ASCC1: variants seen among roughly 807,000 people sequenced by gnomAD.
The protein encoded by ASCC1 is activating signal cointegrator 1 complex subunit 1, also known as ASC-1 complex subunit P50.
ASCC1 carries 35 observed loss-of-function variants against 46.6 expected under a neutral mutation model. The ratio of observed to expected loss-of-function variants is 0.75; its 90% CI spans 0.57 to 0.99. The LOEUF (loss-of-function observed/expected upper bound fraction) is 0.99. ASCC1 is among the 50% of genes least tolerant of loss of function. ASCC1 has a pLI of 0.00. For missense variants in ASCC1, 376 were observed against 428.7 expected, an observed-to-expected ratio of 0.88 and a Z score of 1.09; for synonymous variants, 143 against 146.6, an observed-to-expected ratio of 0.98 and a Z score of 0.18.
At chr10:72,183,734 G>C (rs1468778794) in intron 5 of ASCC1, among the ~76,000 whole-genome samples, 2 of 152,184 alleles carry the variant, frequency 1.3e-5, no homozygotes, top group East Asian at 3.9e-4. Flanking sequence ...AGTCCTAGAA[G>C]AATAAACTAC....
intron 1 of ASCC1, among the ~76,000 whole-genome samples, chr10:72,214,929 G>A (rs752204792): frequency 5.3e-5 from 8 of 152,322 alleles, no homozygotes; most frequent in Middle Eastern, 3.4e-3. Flanking sequence ...CGCTCACTGC[G>A]AAGCCAAGCT....
intron 9 of ASCC1, among the ~76,000 whole-genome samples, chr10:72,109,901 G>A (rs139334060): frequency 4.6e-3 from 705 of 152,324 alleles, no homozygotes; most frequent in South Asian, 7.7e-3. Flanking sequence ...GGCACACTCC[G>A]CCCGTTTCCA....
rs770137554 is a variant in ASCC1 at position 72,204,481 on chromosome 10, G to A, written c.213-957C>T. The A allele has an allele frequency of 2.1e-5, 32 of 1,550,250 alleles. No homozygotes were observed. The South Asian group carries it at 3.0e-4, about 14-fold the overall frequency. On this transcript the variant is annotated intron_variant, in intron 3 of 9. Coordinates refer to ENST00000672957, the MANE Select transcript of ASCC1 (RefSeq NM_001198800.3). ...AAGTTATCTTCTGGAACCCACAGTC[G>A]TTTGATGTGTTCAAGTGAATGAGAC...
Position 72,210,814 on chromosome 10 carries a change from C to A in ASCC1, c.130G>T (p.Asp44Tyr), listed in dbSNP as rs1166375382. 6.2e-7 allele frequency: 1 copy of A among 1,614,018 alleles called. No individual in the cohort carries two copies. Among genetic ancestry groups the A allele is most frequent in the Admixed American group, 1.7e-5 (1 of 59,978 alleles). Residue 44 changes from aspartate to tyrosine, a missense_variant, in exon 3 of 10, where the codon GAT (aspartate) becomes TAT (tyrosine). Transcript: ENST00000672957. ...ACCTCGTAGGCATCACAGGGCTCAT[C>A]AGCACACTCCATGGAGCCTGCACAG... ...DFYQGSMECA[D>Y]EPCDAYEVEQ...
chr10:72,149,254 C>T lies in ASCC1; in HGVS notation c.746+3615G>A, dbSNP rs910791123. Among the ~76,000 whole-genome samples the T allele has an allele frequency of 2.7e-4, 41 of 151,826 alleles. 1 individual carries two copies. Among genetic ancestry groups the T allele is most frequent in the African/African-American group, 7.0e-4 (29 of 41,436 alleles). On this transcript the variant is annotated intron_variant, in intron 7 of 9. Coordinates refer to ENST00000672957, the MANE Select transcript of ASCC1 (RefSeq NM_001198800.3). Reference sequence around the variant, plus strand: ...GAGATCAAGACCATCCTGGCTGACACGGTGAAACCCTGTCTCTACTAAAAA... The same window carrying T: ...GAGATCAAGACCATCCTGGCTGACATGGTGAAACCCTGTCTCTACTAAAAA...
At chr10:72,181,632 G>A (rs1161461119) in intron 5 of ASCC1, among the ~76,000 whole-genome samples, 2 of 150,084 alleles carry the variant, frequency 1.3e-5, no homozygotes, top group African/African-American at 4.9e-5. Flanking sequence ...TTGGAAAACT[G>A]AAGCAGAGAA....
chr10:72,133,875 T>C (rs1025985583), intron 7 of ASCC1: 1 of 153,220 alleles, frequency 6.5e-6, no homozygotes, highest in Non-Finnish European at 1.5e-5. Flanking sequence ...TTTTTATCTG[T>C]TAAATCATTT....
chr10:72,118,366 CAAA>C (rs113494072), intron 9 of ASCC1, among the ~76,000 whole-genome samples: 1 of 78,712 alleles, frequency 1.3e-5, no homozygotes. Flanking sequence ...GACTCCATCT[CAAA>C]AAAAAAAAAA....
intron 3 of ASCC1, among the ~76,000 whole-genome samples, chr10:72,209,995 G>A (rs1857818638): frequency 6.6e-6 from 1 of 151,784 alleles, no homozygotes; most frequent in South Asian, 2.1e-4. Context: ...GTTTAAAAGT[G>A]TGTGACATCT....
At chr10:72,216,498 T>A (rs1180704707), upstream of ASCC1, among the ~76,000 whole-genome samples, 2 of 24,750 alleles carry the variant, frequency 8.1e-5, no homozygotes, top group Non-Finnish European at 1.8e-4. Flanking sequence ...CCCCCCCCGT[T>A]ACAGCTGCGG....
chr10:72,179,139 G>A (rs544654772), intron 5 of ASCC1, among the ~76,000 whole-genome samples: 3 of 152,246 alleles, frequency 2.0e-5, no homozygotes, highest in African/African-American at 7.2e-5. Flanking sequence ...TGTTTCCTGA[G>A]ACAGGATCTT....
chr10:72,184,697 AACAAGTAGAT>A (rs995870136), intron 5 of ASCC1, among the ~76,000 whole-genome samples: 1 of 152,066 alleles, frequency 6.6e-6, no homozygotes, highest in Non-Finnish European at 1.5e-5. Context: ...CAACTAAAAG[AACAAGTAGAT>A]ACAAAATCAG....
At chr10:72,194,499 T>TTGAAAAATGTA (rs1855059256) in intron 5 of ASCC1, among the ~76,000 whole-genome samples, 1 of 152,024 alleles carries the variant, frequency 6.6e-6, no homozygotes, top group Non-Finnish European at 1.5e-5. Flanking sequence ...TCTATACATG[T>TTGAAAAATGTA]TGAAAAATTC....
intron 5 of ASCC1, among the ~76,000 whole-genome samples, chr10:72,167,826 T>C (rs1329905278): frequency 1.3e-5 from 2 of 152,074 alleles, no homozygotes; most frequent in African/African-American, 4.8e-5. Flanking sequence ...TTTGTAGAAA[T>C]GGGGTCTCAT....
Position 72,152,906 on chromosome 10 carries a change from G to C in ASCC1, c.709C>G (p.Leu237Val), listed in dbSNP as rs1251896570. The C allele has an allele frequency of 1.9e-6, 3 of 1,614,090 alleles. No homozygotes were observed. The highest frequency in any genetic ancestry group is 1.7e-6 in the Non-Finnish European group (2 of 1,179,994). Residue 237 changes from leucine (L) to valine (V), a missense_variant, in exon 7 of 10, where the codon CTT (leucine) becomes GTT (valine). Physicochemically the swap from Leu to Val is conservative, Grantham distance 32 (BLOSUM62 1). Coordinates refer to ENST00000672957, the MANE Select transcript of ASCC1 (RefSeq NM_001198800.3). ...MNDDPGMVDVLYAKVHMKDGS... is the reference protein window; with the variant it reads ...MNDDPGMVDVVYAKVHMKDGS... ...TCTTTCATATGGACTTTGGCGTAAA[G>C]AACATCCACCATGCCAGGATCATCA...
chr10:72,100,938 G>C (rs942557482), intron 9 of ASCC1, among the ~76,000 whole-genome samples: 1 of 152,122 alleles, frequency 6.6e-6, no homozygotes, highest in Non-Finnish European at 1.5e-5. Context: ...TGAATTTAAA[G>C]GTCTAATGTA....
chr10:72,189,507 G>A (rs1382817550), intron 5 of ASCC1, among the ~76,000 whole-genome samples: 1 of 151,974 alleles, frequency 6.6e-6, no homozygotes, highest in African/African-American at 2.4e-5. Flanking sequence ...TCTGTCTGAA[G>A]AACCAAAGAT....
upstream of ASCC1, chr10:72,216,797 T>A: frequency 2.2e-6 from 1 of 456,112 alleles, no homozygotes; most frequent in Non-Finnish European, 4.4e-6. Flanking sequence ...CCTGTGAGGA[T>A]CTCCACTGTC....
At chr10:72,116,392 T>C (rs1432522415) in intron 9 of ASCC1, among the ~76,000 whole-genome samples, 1 of 152,230 alleles carries the variant, frequency 6.6e-6, no homozygotes, top group Non-Finnish European at 1.5e-5. Context: ...AGTCACAAGT[T>C]GTAAGAAAGC....
Sources: allele counts gnomAD v4.1 joint callset (sites outside exome capture counted in the v4.1 genomes callset), GRCh38; gene constraint gnomAD v4.1.1; transcripts MANE v1.5; gene names NCBI Gene and HGNC (gene_info 2026-07-23, HGNC 2026-07-21).